The following ESPN variants were observed in gnomAD, a reference collection of about 807,000 sequenced individuals.
ESPN encodes autosomal recessive deafness type 36 protein.
Under a neutral mutation model 77.7 loss-of-function variants are expected in ESPN, and 68 were observed. The observed-to-expected ratio is 0.87, with a 90% CI of 0.72 to 1.07. The LOEUF (loss-of-function observed/expected upper bound fraction) is 1.07. ESPN is among the 50% of genes least tolerant of loss of function. ESPN has a pLI of 0.00. For synonymous variants in ESPN, 449 were observed against 567.1 expected (o/e 0.79, Z 2.96); for missense variants, 1,060 against 1,239.0 (o/e 0.86, Z 2.17).
intron 2 of ESPN, among the ~76,000 whole-genome samples, chr1:6,431,524 G>A (rs537487972): frequency 5.3e-4 from 80 of 151,864 alleles, no homozygotes; most frequent in Non-Finnish European, 9.9e-4. Flanking sequence ...CCAGCTACTT[G>A]GGAGGCTGAG....
In ESPN at chr1:6,452,000, C is replaced by T. The variant is rs144940887; in HGVS notation, c.2229C>T (p.His743=). 1.5e-4 allele frequency: 246 copies of T among 1,605,998 alleles called. No individual in the cohort carries two copies. Among genetic ancestry groups the T allele is most frequent in the Non-Finnish European group, 1.9e-4 (220 of 1,176,204 alleles). ...ACGTGGAGGCTCTCATCCCCACGCA[C>T]GATGAGCAGGGCCGGCCCATCCCCG... ...QLDVEALIPT[H]DEQGRPIPEW... is the part of the protein sequence containing the mutation. Residue 743 remains histidine (H), a synonymous_variant, in exon 10 of 13, where the codon CAC becomes CAT. Coordinates refer to ENST00000645284, the MANE Select transcript of ESPN (RefSeq NM_031475.3). The surrounding 1 kb of genome is among the most constrained non-coding windows in gnomAD (Gnocchi z 4.3).
In ESPN at chr1:6,451,598, C is replaced by T; in HGVS notation, c.1916-5C>T. 1 of 1,612,414 alleles carries T rather than the reference C, an allele frequency of 6.2e-7. No homozygotes were observed. Among genetic ancestry groups the T allele is most frequent in the African/African-American group, 1.3e-5 (1 of 75,044 alleles). The stretch of plus-strand genomic sequence containing the variant: ...GCCAGTGCCTCATCTCCTGCCTCCG[C>T]ATAGGCACCAAGTCTTTCAACATGA... On this transcript the variant is annotated splice_region_variant and splice_polypyrimidine_tract_variant and intron_variant, in intron 8 of 12. Coordinates refer to ENST00000645284, the MANE Select transcript of ESPN (RefSeq NM_031475.3). The surrounding 1 kb of genome is among the most constrained non-coding windows in gnomAD (Gnocchi z 4.3).
In ESPN at chr1:6,440,606, T is replaced by TGGCC; in HGVS notation, c.676-20_676-19insGGCC. ...CTGGCGCCCAGCCCCCGCCCCCCTC[T>TGGCC]CCCCGCCCGTCCCGCCCAGGTGAGC... On this transcript the variant is annotated intron_variant, in intron 3 of 12. Transcript: ENST00000645284. 1.1e-5 allele frequency: 10 copies of TGGCC among 870,462 alleles called. No homozygotes were observed. The highest frequency in any genetic ancestry group is 1.7e-5 in the Non-Finnish European group (10 of 588,336). 53.9% of individuals were successfully genotyped at this position (870,462 alleles called of 1,614,324 possible).
chr1:6,440,493 G>A, intron 3 of ESPN, 53 bp downstream of exon 3: 12 of 1,463,856 alleles, frequency 8.2e-6, no homozygotes, highest in Non-Finnish European at 1.1e-5. Flanking sequence ...AGCCGGCAGG[G>A]CGGGGAGTGG....
intron 12 of ESPN, among the ~76,000 whole-genome samples, chr1:6,458,359 A>G (rs1184960595): frequency 2.0e-5 from 3 of 147,034 alleles, no homozygotes; most frequent in African/African-American, 5.1e-5. Context: ...CTTGTTGTCC[A>G]GGCTGGAGTA....
chr1:6,432,780 C>G (rs1643296652), intron 2 of ESPN, among the ~76,000 whole-genome samples: 1 of 152,236 alleles, frequency 6.6e-6, no homozygotes, highest in African/African-American at 2.4e-5. Flanking sequence ...CCCCAGTAAG[C>G]CTGAAAGGCC....
chr1:6,445,615 C>T (rs372377904), intron 6 of ESPN, 49 bp from the exon 7 acceptor site: 1 of 1,594,164 alleles, frequency 6.3e-7, no homozygotes, highest in Non-Finnish European at 8.6e-7. Context: ...TCTTGGGGGA[C>T]AGCCTGTCTG....
chr1:6,449,242 C>T lies in ESPN; in HGVS notation c.1915+151C>T, dbSNP rs1643905579. ...ACCCCTACCCCATTGAGTACTTGAC[C>T]CTAAGAGAGGGCTCTGGGTTGCTTG... On this transcript the variant is annotated intron_variant, in intron 8 of 12. Transcript: ENST00000645284. The T allele has an allele frequency of 3.6e-6, 3 of 823,366 alleles. No individual in the cohort carries two copies. The South Asian group carries it at 9.1e-5, about 25-fold the overall frequency. 51.0% of individuals were successfully genotyped at this position (823,366 alleles called of 1,614,324 possible).
chr1:6,431,477 C>T (rs1308771461), intron 2 of ESPN, among the ~76,000 whole-genome samples: 3 of 151,728 alleles, frequency 2.0e-5, no homozygotes, highest in East Asian at 1.9e-4. Context: ...GGCATGTGGC[C>T]GGGCTATGCC....
chr1:6,454,301 GTCCCT>G (rs1644009109), intron 10 of ESPN: 1 of 397,488 alleles, frequency 2.5e-6, no homozygotes, highest in Admixed American at 4.4e-5. Context: ...GCCAGACGCG[GTCCCT>G]CCCTGCAGAC....
chr1:6,460,797 TGCC>T lies in ESPN; in HGVS notation c.*653_*655del, dbSNP rs1644149294. ...CCCGTCCCCAGCCAGACCCACTCGCTGCCGGGACCCTTTCACTGCCCCGGTGGA... is the reference window on the plus strand; with the variant it reads ...CCCGTCCCCAGCCAGACCCACTCGCTGGGACCCTTTCACTGCCCCGGTGGA... On this transcript the variant is annotated 3_prime_UTR_variant, in exon 13 of 13. Transcript: ENST00000645284. The T allele has an allele frequency of 5.3e-5, 11 of 206,738 alleles. No homozygotes were observed. The South Asian group carries it at 8.1e-4, about 15-fold the overall frequency. The allele number at this position is 206,738 out of a possible 1,614,324, so 12.8% of individuals were successfully genotyped here. A position where few individuals can be genotyped will look rare whatever the true frequency, so the allele number is the denominator to read the frequency against.
intron 12 of ESPN, among the ~76,000 whole-genome samples, chr1:6,458,660 G>C (rs1288939115): frequency 6.6e-6 from 1 of 151,774 alleles, no homozygotes; most frequent in African/African-American, 2.4e-5. Context: ...GCTGGGCGCA[G>C]TGGCTCATAC....
chr1:6,432,534 TG>T (rs2148508634), intron 2 of ESPN, among the ~76,000 whole-genome samples: 1 of 152,376 alleles, frequency 6.6e-6, no homozygotes, highest in South Asian at 2.1e-4. Context: ...CAGCAGCTCC[TG>T]GTCCCAGCTG....
intron 12 of ESPN, among the ~76,000 whole-genome samples, chr1:6,458,139 C>T (rs904562948): frequency 3.9e-5 from 6 of 152,062 alleles, no homozygotes; most frequent in African/African-American, 1.2e-4. Context: ...CTGCCTCAGC[C>T]TCCCAAGTAG....
chr1:6,449,092 G>A lies in ESPN; in HGVS notation c.1915+1G>A. 1 of 1,483,848 alleles carries A rather than the reference G, an allele frequency of 6.7e-7. No individual in the cohort carries two copies. Among genetic ancestry groups the A allele is most frequent in the Non-Finnish European group, 8.9e-7 (1 of 1,123,818 alleles). The allele number at this position is 1,483,848 out of a possible 1,614,324, so 91.9% of individuals were successfully genotyped here. ...CGCCGCTCCTCCTCGTCCACCGGCA[G>A]TGAGTAGGGGCAGGTTGAGGGGCGT... On this transcript the variant is annotated splice_donor_variant, in intron 8 of 12. Transcript: ENST00000645284. LOFTEE classifies it high-confidence loss of function.
chr1:6,443,325 G>T (rs1251320329), intron 5 of ESPN, among the ~76,000 whole-genome samples: 2 of 152,242 alleles, frequency 1.3e-5, no homozygotes, highest in African/African-American at 4.8e-5. Flanking sequence ...AGTAAGTCAG[G>T]GAGGGGAAGT....
chr1:6,440,530 C>G (rs1236838412), intron 3 of ESPN, 90 bp downstream of exon 3: 9 of 166,130 alleles, frequency 5.4e-5, no homozygotes, highest in South Asian at 2.7e-4. Flanking sequence ...AGGGGTGGGG[C>G]GGGGGGGCGG....
chr1:6,461,362 C>T, downstream of ESPN: 1 of 1,457,680 alleles, frequency 6.9e-7, no homozygotes, highest in Non-Finnish European at 9.2e-7. This position sits in a 1 kb window ranked among gnomAD's most constrained non-coding sequence, Gnocchi z 6.3. Flanking sequence ...AAAATGTCTA[C>T]ACGCATAAGT....
intron 2 of ESPN, among the ~76,000 whole-genome samples, chr1:6,436,310 A>G (rs1643435564): frequency 6.6e-6 from 1 of 152,138 alleles, no homozygotes; most frequent in Admixed American, 6.5e-5. Flanking sequence ...CAGGAGAACA[A>G]TGCTAACACC....
Sources: gnomAD v4.1 joint callset for allele counts (sites outside exome capture counted in the v4.1 genomes callset) on GRCh38, gnomAD v4.1.1 for gene constraint, Gnocchi (gnomAD v3.1) non-coding constraint, MANE v1.5 for transcripts, NCBI Gene and HGNC (gene_info 2026-07-23, HGNC 2026-07-21) for gene names.